TTC28: variants seen among roughly 807,000 people sequenced by gnomAD.
TTC28 encodes the protein tetratricopeptide repeat domain 28.
TTC28 carries 61 observed loss-of-function variants against 198.0 expected under a neutral mutation model. The observed-to-expected ratio is 0.31, with a 90% CI of 0.25 to 0.38. The LOEUF (loss-of-function observed/expected upper bound fraction) is 0.38, where lower values mean the gene tolerates loss of function less well. TTC28 is among the 10% of genes least tolerant of loss of function. The pLI is 1.00. For missense variants in TTC28, 2,678 were observed against 3,164.0 expected, an observed-to-expected ratio of 0.85 and a Z score of 3.69; for synonymous variants, 1,171 against 1,297.8, an observed-to-expected ratio of 0.90 and a Z score of 2.10.
At chr22:28,234,980 G>A (rs1286609009) in intron 5 of TTC28, among the ~76,000 whole-genome samples, 1 of 152,182 alleles carries the variant, frequency 6.6e-6, no homozygotes, top group Non-Finnish European at 1.5e-5. Context: ...GCCAAGGAAG[G>A]GGACTTTTTG....
At chr22:28,590,843 T>A (rs2050413940) in intron 2 of TTC28, among the ~76,000 whole-genome samples, 1 of 150,968 alleles carries the variant, frequency 6.6e-6, no homozygotes, top group Admixed American at 6.6e-5. Context: ...CCCCCGTCTC[T>A]ACCAAAAATA....
intron 14 of TTC28, among the ~76,000 whole-genome samples, chr22:28,006,373 G>A (rs1937929687): frequency 6.6e-6 from 1 of 152,166 alleles, no homozygotes; most frequent in Non-Finnish European, 1.5e-5. Context: ...CAGACATATT[G>A]GTCAAATGCG....
At chr22:28,458,799 T>C (rs970080866) in intron 2 of TTC28, among the ~76,000 whole-genome samples, 57 of 151,316 alleles carry the variant, frequency 3.8e-4, no homozygotes, top group African/African-American at 1.3e-3. Context: ...GAGAATGGCT[T>C]GAACCCGGGA....
At chr22:28,629,878 G>A (rs547412310) in intron 1 of TTC28, 48 bp from the exon 2 acceptor site, 2 of 1,484,184 alleles carry the variant, frequency 1.3e-6, no homozygotes, top group Admixed American at 2.3e-5. Context: ...AATCCAGATG[G>A]GTTCCCCATC....
intron 13 of TTC28, among the ~76,000 whole-genome samples, chr22:28,019,254 A>T (rs981281857): frequency 3.9e-5 from 6 of 152,106 alleles, no homozygotes; most frequent in Admixed American, 2.0e-4. Context: ...TAGGGTTTTT[A>T]AAAAATTTTT....
At position 28,032,858 on chromosome 22, in the gene TTC28, G is replaced by A. The variant is rs117527188; in HGVS notation, c.3933-2492C>T. ...GAGAAACCAGGAAACTTCTAGCATC[G>A]AAACAAATCACCAAGCTCCCATCAT... On this transcript the variant is annotated intron_variant, in intron 12 of 22. Transcript: ENST00000397906. 3.1e-4 allele frequency among the ~76,000 whole-genome samples: 47 copies of A among 152,268 alleles called. No homozygotes were observed. The East Asian group carries it at 8.9e-3, about 29-fold the overall frequency.
At chr22:28,155,269 G>T (rs888838313) in intron 6 of TTC28, among the ~76,000 whole-genome samples, 5 of 152,098 alleles carry the variant, frequency 3.3e-5, no homozygotes, top group Non-Finnish European at 7.4e-5. Flanking sequence ...CTTTCCAAAG[G>T]CATGACCATC....
intron 2 of TTC28, among the ~76,000 whole-genome samples, chr22:28,549,546 C>CA (rs1469795985): frequency 1.3e-5 from 2 of 152,168 alleles, no homozygotes; most frequent in East Asian, 3.8e-4. Flanking sequence ...AAACAGTTCT[C>CA]AAAGGATTTG....
Position 28,223,689 on chromosome 22 carries a change from AG to A in TTC28, c.934-60091del, listed in dbSNP as rs78581113. ...AACAAGCACAATTACACAAGTGGCTAGGTTCAAGATTTAATGTGTACATGGT... is the reference window on the plus strand; with the variant it reads ...AACAAGCACAATTACACAAGTGGCTAGTTCAAGATTTAATGTGTACATGGT... On this transcript the variant is annotated intron_variant, in intron 5 of 22. Coordinates refer to ENST00000397906, the MANE Select transcript of TTC28 (RefSeq NM_001145418.2). Among the ~76,000 whole-genome samples, 127 of 152,352 alleles carry A rather than the reference AG, an allele frequency of 8.3e-4. 2 individuals carry two copies. In the East Asian group the frequency reaches 0.023, roughly 27 times the overall value.
At chr22:28,115,060 A>G (rs1942594072) in intron 6 of TTC28, among the ~76,000 whole-genome samples, 1 of 152,042 alleles carries the variant, frequency 6.6e-6, no homozygotes, top group Non-Finnish European at 1.5e-5. Flanking sequence ...CAGAGCCCCA[A>G]AAGGTTCAAG....
chr22:28,036,285 A>G (rs935295972), intron 12 of TTC28, among the ~76,000 whole-genome samples: 6 of 152,252 alleles, frequency 3.9e-5, no homozygotes, highest in African/African-American at 1.2e-4. Flanking sequence ...ACTCCTCAGC[A>G]AATGTAAAAG....
chr22:28,232,706 A>G (rs1928907506), intron 5 of TTC28: 1 of 152,198 alleles, frequency 6.6e-6, no homozygotes, highest in South Asian at 2.1e-4. Context: ...TGGATGAATA[A>G]ATAAAATAAT....
intron 2 of TTC28, among the ~76,000 whole-genome samples, chr22:28,507,277 C>T (rs2048625120): frequency 1.3e-5 from 2 of 152,164 alleles, no homozygotes; most frequent in Non-Finnish European, 2.9e-5. Context: ...TCACAAGTAA[C>T]AACAGCAGAA....
chr22:28,328,451 T>A (rs1451202384), intron 2 of TTC28, among the ~76,000 whole-genome samples: 3 of 151,572 alleles, frequency 2.0e-5, no homozygotes, highest in Admixed American at 6.6e-5. Flanking sequence ...TTTAAAAAAA[T>A]ATATAAAAAT....
chr22:28,492,971 T>C (rs1342814725), intron 2 of TTC28, among the ~76,000 whole-genome samples: 1 of 148,318 alleles, frequency 6.7e-6, no homozygotes. Flanking sequence ...AGAGGCTTAA[T>C]GGCCCAGAGA....
At chr22:28,349,643 C>T (rs1305199504) in intron 2 of TTC28, among the ~76,000 whole-genome samples, 1 of 152,170 alleles carries the variant, frequency 6.6e-6, no homozygotes, top group Non-Finnish European at 1.5e-5. Context: ...TCAGTTTCCT[C>T]TTACACAAAA....
chr22:28,470,863 T>TTAGAC (rs2048088555), intron 2 of TTC28, among the ~76,000 whole-genome samples: 1 of 152,220 alleles, frequency 6.6e-6, no homozygotes, highest in East Asian at 1.9e-4. Flanking sequence ...TAAGAGAAGG[T>TTAGAC]TAGACTCGAA....
At chr22:28,189,750 G>A (rs1156717514) in intron 5 of TTC28, among the ~76,000 whole-genome samples, 2 of 151,928 alleles carry the variant, frequency 1.3e-5, no homozygotes, top group Non-Finnish European at 2.9e-5. Context: ...TCTATTCCTA[G>A]CCAAACTACC....
At chr22:28,592,230 G>A (rs1020052279) in intron 2 of TTC28, among the ~76,000 whole-genome samples, 4 of 152,096 alleles carry the variant, frequency 2.6e-5, no homozygotes, top group Admixed American at 6.6e-5. Flanking sequence ...GAGCACCTGT[G>A]GTCCCATCTA....
Sources: allele counts gnomAD v4.1 joint callset (sites outside exome capture counted in the v4.1 genomes callset), GRCh38; gene constraint gnomAD v4.1.1; transcripts MANE v1.5; gene names NCBI Gene and HGNC (gene_info 2026-07-23, HGNC 2026-07-21).